The following ACP7 variants were observed in gnomAD, a reference collection of about 807,000 sequenced individuals.
The protein encoded by ACP7 is acid phosphatase 7, tartrate resistant (putative), also known as acid phosphatase type 7.
ACP7 carries 58 observed loss-of-function variants against 60.6 expected under a neutral mutation model. The ratio of observed to expected loss-of-function variants is 0.96; its 90% confidence interval spans 0.77 to 1.19. The LOEUF is 1.19. Ranked by LOEUF, ACP7 falls within the 50% of genes most tolerant of loss-of-function variation. The pLI, the probability that ACP7 is intolerant of heterozygous loss-of-function variation, is 0.00. For synonymous variants in ACP7, 237 were observed against 232.6 expected (o/e 1.02, Z -0.17); for missense variants, 574 against 596.2 (o/e 0.96, Z 0.39).
intron 11 of ACP7, among the ~76,000 whole-genome samples, chr19:39,101,881 G>T (rs1036538037): frequency 6.7e-6 from 1 of 150,138 alleles, no homozygotes; most frequent in African/African-American, 2.5e-5. Context: ...CGAGTCTGGA[G>T]GATCACTTGA....
intron 11 of ACP7, 80 bp downstream of exon 11, chr19:39,101,617 T>C (rs1323793238): frequency 6.8e-7 from 1 of 1,464,582 alleles, no homozygotes; most frequent in Non-Finnish European, 9.3e-7. Flanking sequence ...GACTGAGTGC[T>C]GGGTGCTTTA....
intron 2 of ACP7, among the ~76,000 whole-genome samples, chr19:39,097,533 C>T (rs868866944): frequency 3.3e-5 from 5 of 151,482 alleles, no homozygotes; most frequent in South Asian, 2.1e-4. Context: ...CACTGCACCT[C>T]CAGCCTGGGC....
intron 2 of ACP7, among the ~76,000 whole-genome samples, chr19:39,093,857 CT>C (rs993291874): frequency 2.6e-4 from 39 of 152,082 alleles, no homozygotes; most frequent in South Asian, 1.0e-3. Flanking sequence ...ATGCACTTTG[CT>C]TTTTTTGGTT....
intron 12 of ACP7, among the ~76,000 whole-genome samples, chr19:39,108,621 G>A (rs557775688): frequency 6.6e-6 from 1 of 152,256 alleles, no homozygotes; most frequent in South Asian, 2.1e-4. Flanking sequence ...ATAAAGATGG[G>A]GGGTGGGACA....
At chr19:39,102,312 C>T (rs2073356414) in intron 11 of ACP7, among the ~76,000 whole-genome samples, 1 of 151,980 alleles carries the variant, frequency 6.6e-6, no homozygotes, top group African/African-American at 2.4e-5. Context: ...AAGCAAGATC[C>T]CATATCTAAA....
rs1316714357 is a variant in ACP7, at chr19:39,110,340, CAG to C, written c.*225_*226del. ...TGGAGGGAGGGCAGGTGTGCGGGCACAGAGTGACACACGGCAGGTTTCTGCTG... is the reference window on the plus strand; with the variant it reads ...TGGAGGGAGGGCAGGTGTGCGGGCACAGTGACACACGGCAGGTTTCTGCTG... On this transcript the variant is annotated 3_prime_UTR_variant, in exon 13 of 13. Transcript: ENST00000331256. 1 of 568,102 alleles carries C rather than the reference CAG, an allele frequency of 1.8e-6. No homozygotes were observed. Among genetic ancestry groups the C allele is most frequent in the Admixed American group, 3.3e-5 (1 of 30,598 alleles). 35.2% of individuals were successfully genotyped at this position (568,102 alleles called of 1,614,324 possible).
At chr19:39,093,903 C>T (rs908644945) in intron 2 of ACP7, among the ~76,000 whole-genome samples, 4 of 152,168 alleles carry the variant, frequency 2.6e-5, no homozygotes, top group Non-Finnish European at 5.9e-5. Flanking sequence ...CATAGCAGTT[C>T]TTGGAACTTG....
intron 2 of ACP7, among the ~76,000 whole-genome samples, chr19:39,097,088 A>C (rs912979655): frequency 3.9e-5 from 6 of 152,242 alleles, no homozygotes; most frequent in Admixed American, 1.3e-4. Flanking sequence ...GCATGAGCCA[A>C]TACACCTGGC....
intron 2 of ACP7, among the ~76,000 whole-genome samples, chr19:39,096,536 A>G (rs2073267839): frequency 6.6e-6 from 1 of 151,896 alleles, no homozygotes; most frequent in Non-Finnish European, 1.5e-5. Context: ...ATTTTCCCAC[A>G]TTTTCCTGTC....
intron 3 of ACP7, 149 bp downstream of exon 3, chr19:39,098,807 AC>A: frequency 7.4e-7 from 1 of 1,360,366 alleles, no homozygotes; most frequent in Non-Finnish European, 9.8e-7. Flanking sequence ...CAGGATGAAA[AC>A]GGAAGGTGCC....
Position 39,100,324 on chromosome 19 carries a change from A to G in ACP7, c.603A>G (p.Thr201=). ...TGGCTGCCAGCCTGCCGTACATGAC[A>G]TGCCCTGGGAATCATGAAGAACGCT... ...EPVAASLPYM[T]CPGNHEERYN... is the part of the protein sequence containing the mutation. Residue 201 remains threonine, a synonymous_variant, in exon 5 of 13, where the codon ACA becomes ACG. Transcript: ENST00000331256. 6.2e-7 allele frequency: 1 copy of G among 1,614,040 alleles called. No individual in the cohort carries two copies. The highest frequency in any genetic ancestry group is 8.5e-7 in the Non-Finnish European group (1 of 1,180,002).
chr19:39,087,557 C>T (rs915640759), intron 2 of ACP7, among the ~76,000 whole-genome samples: 1 of 151,584 alleles, frequency 6.6e-6, no homozygotes, highest in Non-Finnish European at 1.5e-5. Flanking sequence ...AACTCCGAGA[C>T]TCAAGCGATC....
intron 5 of ACP7, 56 bp downstream of exon 5, chr19:39,100,406 G>A (rs1005623700): frequency 5.0e-5 from 81 of 1,607,174 alleles, no homozygotes; most frequent in Non-Finnish European, 6.0e-5. Context: ...AAATGGTCTC[G>A]TTCTTCTTAG....
chr19:39,100,444 A>C (rs567571303), intron 5 of ACP7, 94 bp downstream of exon 5: 2 of 1,602,000 alleles, frequency 1.2e-6, no homozygotes, highest in East Asian at 4.5e-5. Flanking sequence ...TCATGCTGCA[A>C]CATTTCAATT....
chr19:39,095,526 C>T (rs2073255754), intron 2 of ACP7, among the ~76,000 whole-genome samples: 1 of 152,228 alleles, frequency 6.6e-6, no homozygotes, highest in African/African-American at 2.4e-5. Flanking sequence ...AGGGTATAGC[C>T]TCCCTCCTGG....
At chr19:39,109,117 C>T (rs957264888) in intron 12 of ACP7, among the ~76,000 whole-genome samples, 77 of 152,238 alleles carry the variant, frequency 5.1e-4, no homozygotes, top group African/African-American at 1.6e-3. Context: ...CCACCGCATG[C>T]GGCCCCAGTA....
intron 12 of ACP7, among the ~76,000 whole-genome samples, chr19:39,109,779 C>T (rs1014840810): frequency 1.3e-5 from 2 of 151,122 alleles, no homozygotes; most frequent in South Asian, 2.1e-4. Context: ...AGTTTGTGCT[C>T]TAATAATAGC....
intron 8 of ACP7, 26 bp from the exon 9 acceptor site, chr19:39,101,124 C>G (rs372034895): frequency 1.9e-6 from 3 of 1,613,984 alleles, no homozygotes; most frequent in Non-Finnish European, 2.5e-6. Flanking sequence ...CTGCGTCACC[C>G]TCACCCGCTC....
Position 39,100,615 on chromosome 19 carries a change from CG to C in ACP7, c.670del (p.Asp224IlefsTer154), listed in dbSNP as rs763396774. The C allele has an allele frequency of 6.2e-7, 1 of 1,613,938 alleles. No individual in the cohort carries two copies. The highest frequency in any genetic ancestry group is 1.7e-5 in the Admixed American group (1 of 59,992). On this transcript the variant is annotated frameshift_variant, in exon 6 of 13. Transcript: ENST00000331256. LOFTEE classifies it high-confidence loss of function. Reference sequence around the variant, plus strand: ...AACTACAAGGCTCGCTTCAGCATGCCGGGGGATAATGAGGGCCTGTGGTACA... The same window carrying C: ...AACTACAAGGCTCGCTTCAGCATGCCGGGGATAATGAGGGCCTGTGGTACA... ...FSNYKARFSM[P>X]GDNEGLWYSW... is the part of the protein sequence containing the mutation.
Sources: allele counts gnomAD v4.1 joint callset (sites outside exome capture counted in the v4.1 genomes callset), GRCh38; gene constraint gnomAD v4.1.1; transcripts MANE v1.5; gene names NCBI Gene and HGNC (gene_info 2026-07-23, HGNC 2026-07-21).